Variants in IFT172 observed in about 807,000 individuals in gnomAD.
IFT172 encodes intraflagellar transport protein 172 homolog.
Under a neutral mutation model 248.9 loss-of-function variants are expected in IFT172, and 164 were observed. The ratio of observed to expected loss-of-function variants is 0.66; its 90% CI spans 0.58 to 0.75. The LOEUF is 0.75. Among genes scored for constraint, IFT172 ranks in the 30% least tolerant of loss-of-function variants. The pLI, the probability that IFT172 is intolerant of heterozygous loss-of-function variation, is 0.00. For missense variants in IFT172, 1,950 were observed against 2,192.4 expected (o/e 0.89, Z 2.21); for synonymous variants, 729 against 791.6 (o/e 0.92, Z 1.33).
chr2:27,455,918 AAAAAG>A (rs1369789559), intron 30 of IFT172: 1 of 316,734 alleles, frequency 3.2e-6, no homozygotes, highest in Non-Finnish European at 6.1e-6. Flanking sequence ...GCTTCCAAAA[AAAAAG>A]AAAAGTTCGG....
In IFT172 at chr2:27,480,069, A is replaced by T; in HGVS notation, c.866T>A (p.Ile289Asn). The T allele has an allele frequency of 6.2e-7, 1 of 1,614,012 alleles. No individual in the cohort carries two copies. Among genetic ancestry groups the T allele is most frequent in the South Asian group, 1.1e-5 (1 of 91,080 alleles). ...ATCCCGCTTCCAGGCCAAGGCAGTG[A>T]TGGTGTATAAATTGGTAATCTCCTT... ...KPKEITNLYT[I>N]TALAWKRDGS... is the part of the protein sequence containing the mutation. Residue 289 changes from isoleucine (I) to asparagine (N), a missense_variant, in exon 9 of 48, where the codon ATC (isoleucine) becomes AAC (asparagine). Physicochemically the swap from Ile to Asn is moderately radical, Grantham distance 149. This residue lies in a region of IFT172 where 1,166 missense variants were observed against 1,254.1 expected (regional missense o/e 0.93). Transcript: ENST00000260570.
chr2:27,488,042 G>T (rs964289195), intron 1 of IFT172, among the ~76,000 whole-genome samples: 1 of 152,148 alleles, frequency 6.6e-6, no homozygotes, highest in African/African-American at 2.4e-5. Flanking sequence ...GAGTGCAGTG[G>T]TGTGATCACG....
chr2:27,456,197 G>C (rs1286722537), intron 30 of IFT172, among the ~76,000 whole-genome samples: 1 of 151,814 alleles, frequency 6.6e-6, no homozygotes, highest in Non-Finnish European at 1.5e-5. Context: ...GCGACGGAGT[G>C]AGACTCTGTC....
At chr2:27,489,543 T>C in intron 1 of IFT172, 72 bp downstream of exon 1, 2 of 1,179,030 alleles carry the variant, frequency 1.7e-6, no homozygotes, top group South Asian at 2.5e-5. Context: ...GTCAACATCA[T>C]TAAACTTCAG....
intron 7 of IFT172, among the ~76,000 whole-genome samples, chr2:27,481,812 C>A (rs1668395582): frequency 6.6e-6 from 1 of 150,886 alleles, no homozygotes; most frequent in Non-Finnish European, 1.5e-5. Context: ...GTGCTGGGAT[C>A]ACAGGCGTGA....
Position 27,459,425 on chromosome 2 carries a change from A to G in IFT172, c.2740T>C (p.Tyr914His). ...DLQDRNTASK[Y>H]YPLVAQHYAS... ...TAGTGTTGGGCCACGAGAGGATAGTATTTGGATGCAGTGTTCCGGTCCTGT... is the reference window on the plus strand; with the variant it reads ...TAGTGTTGGGCCACGAGAGGATAGTGTTTGGATGCAGTGTTCCGGTCCTGT... The change falls in exon 25 of 48, where the codon TAC becomes CAC. Residue 914 changes from tyrosine (Y) to histidine (H), a missense_variant. Physicochemically the swap from Tyr to His is moderately conservative, Grantham distance 83 (BLOSUM62 2). This residue lies in a region of IFT172 where 1,166 missense variants were observed against 1,254.1 expected (regional missense o/e 0.93). Coordinates refer to ENST00000260570, the MANE Select transcript of IFT172 (RefSeq NM_015662.3). 5 of 1,614,206 alleles carry G rather than the reference A, an allele frequency of 3.1e-6. No individual in the cohort carries two copies. The highest frequency in any genetic ancestry group is 4.2e-6 in the Non-Finnish European group (5 of 1,180,040).
At chr2:27,446,763 A>G (rs1665155070) in intron 42 of IFT172, among the ~76,000 whole-genome samples, 2 of 130,724 alleles carry the variant, frequency 1.5e-5, no homozygotes, top group African/African-American at 5.8e-5. Context: ...GCAGTGGCGC[A>G]ATCTCGGCTC....
At position 27,450,111 on chromosome 2, in the gene IFT172, AG is replaced by A. The variant is rs1558358744; in HGVS notation, c.3952-16del. The stretch of plus-strand genomic sequence containing the variant: ...AGTTCAGCTGCCTGAGTGGTTGAAC[AG>A]AAGATGGAAATGGGTAGGAGAGACA... On this transcript the variant is annotated splice_polypyrimidine_tract_variant and intron_variant, in intron 35 of 47. Coordinates refer to ENST00000260570, the MANE Select transcript of IFT172 (RefSeq NM_015662.3). 1 of 1,588,588 alleles carries A rather than the reference AG, an allele frequency of 6.3e-7. No individual in the cohort carries two copies. Among genetic ancestry groups the A allele is most frequent in the South Asian group, 1.1e-5 (1 of 90,514 alleles).
chr2:27,458,044 G>T, intron 27 of IFT172, 68 bp from the exon 28 acceptor site: 1 of 1,612,362 alleles, frequency 6.2e-7, no homozygotes, highest in Non-Finnish European at 8.5e-7. Flanking sequence ...CTGGGCAGAG[G>T]GTACACATCC....
In IFT172 at chr2:27,449,392, G is replaced by A; in HGVS notation, c.4225-12C>T. 1.2e-6 allele frequency: 2 copies of A among 1,614,154 alleles called. No individual in the cohort carries two copies. Among genetic ancestry groups the A allele is most frequent in the South Asian group, 2.2e-5 (2 of 91,074 alleles). ...TCCACACCCACCAGCTGGGTCAATG[G>A]AAGACAGAGTTACAAGAGAAAAGAG... On this transcript the variant is annotated splice_polypyrimidine_tract_variant and intron_variant, in intron 38 of 47. Transcript: ENST00000260570.
In IFT172 at chr2:27,478,174, G is replaced by GT. The variant is rs1455103617; in HGVS notation, c.1006-19dup. On this transcript the variant is annotated intron_variant, in intron 10 of 47. Coordinates refer to ENST00000260570, the MANE Select transcript of IFT172 (RefSeq NM_015662.3). ...ACAATCACCTTGGTAAAGGACAAGT[G>GT]TGAGCCCCTTAGGCTTCCCCAGCCC... 22 of 1,613,936 alleles carry GT rather than the reference G, an allele frequency of 1.4e-5. No individual in the cohort carries two copies. Among genetic ancestry groups the GT allele is most frequent in the Non-Finnish European group, 1.7e-5 (20 of 1,179,882 alleles).
Position 27,449,351 on chromosome 2 carries a change from C to T in IFT172, c.4254G>A (p.Leu1418=). 3 of 1,614,100 alleles carry T rather than the reference C, an allele frequency of 1.9e-6. No homozygotes were observed. Among genetic ancestry groups the T allele is most frequent in the Middle Eastern group, 3.3e-4 (2 of 6,062 alleles). Residue 1418 remains leucine, a synonymous_variant, in exon 39 of 48, where the codon TTG becomes TTA. Transcript: ENST00000260570. ...SLVGVDVIAA[L]DLYVEQGQWD... is the part of the protein sequence containing the mutation. ...ACTGGCCCTGCTCCACATACAGGTC[C>T]AAAGCAGCTATCACATCCACACCCA...
chr2:27,458,726 C>T (rs1666385347), intron 26 of IFT172, 53 bp downstream of exon 26: 3 of 1,593,896 alleles, frequency 1.9e-6, no homozygotes, highest in East Asian at 2.2e-5. Context: ...AGGAATGAGG[C>T]CACAATGCCA....
Position 27,445,764 on chromosome 2 carries a change from G to A in IFT172, c.4895C>T (p.Pro1632Leu), listed in dbSNP as rs765119001. 1.2e-6 allele frequency: 2 copies of A among 1,614,172 alleles called. No homozygotes were observed. The highest frequency in any genetic ancestry group is 2.2e-5 in the South Asian group (2 of 91,082). ...DTDIPFEVPLPAKQHVPEAER... is the reference protein window; with the variant it reads ...DTDIPFEVPLLAKQHVPEAER... ...CCTTACCGGTACATGCTGCTTAGCT[G>A]GGAGTGGCACCTCAAAGGGAATGTC... Residue 1632 changes from proline to leucine, a missense_variant, in exon 45 of 48, where the codon CCA becomes CTA. By Grantham distance (98) the Pro-to-Leu change is moderately conservative. Coordinates refer to ENST00000260570, the MANE Select transcript of IFT172 (RefSeq NM_015662.3). This position sits in a 1 kb window ranked among gnomAD's most constrained non-coding sequence, Gnocchi z 4.4.
chr2:27,455,702 C>G (rs1207471594), intron 30 of IFT172: 2 of 328,494 alleles, frequency 6.1e-6, no homozygotes, highest in East Asian at 9.6e-5. Context: ...CAGAGCGAGA[C>G]TCTGTCTCAG....
chr2:27,484,229 T>G lies in IFT172; in HGVS notation c.334A>C (p.Thr112Pro), dbSNP rs768864867. The stretch of plus-strand genomic sequence containing the variant: ...CCAGGGACTGGTCTGAACTTTACCG[T>G]CTGGATGAACTTGTTGCAGATGACT... ...KKVICNKFIQTSAVTCLQWPA... is the reference protein window; with the variant it reads ...KKVICNKFIQPSAVTCLQWPA... The change falls in exon 4 of 48, where the codon ACG becomes CCG. Residue 112 changes from threonine (T) to proline (P), a missense_variant and splice_region_variant. Thr to Pro is a conservative substitution (Grantham distance 38). Coordinates refer to ENST00000260570, the MANE Select transcript of IFT172 (RefSeq NM_015662.3). The G allele has an allele frequency of 1.2e-6, 2 of 1,614,056 alleles. No homozygotes were observed. Among genetic ancestry groups the G allele is most frequent in the East Asian group, 2.2e-5 (1 of 44,882 alleles).
chr2:27,453,686 G>C lies in IFT172; in HGVS notation c.3765C>G (p.Ser1255Arg), dbSNP rs1351640829. The change falls in exon 34 of 48, where the codon AGC becomes AGG. Residue 1255 changes from serine (S) to arginine (R), a missense_variant. Coordinates refer to ENST00000260570, the MANE Select transcript of IFT172 (RefSeq NM_015662.3). ...ALRICKDYVPSQLEALQEEYE... is the reference protein window; with the variant it reads ...ALRICKDYVPRQLEALQEEYE... ...ATTCTTCCTGCAGAGCCTCCAGCTGGCTGGGCACATAGTCCTTGCAGATGC... is the reference window on the plus strand; with the variant it reads ...ATTCTTCCTGCAGAGCCTCCAGCTGCCTGGGCACATAGTCCTTGCAGATGC... The C allele has an allele frequency of 6.2e-7, 1 of 1,612,132 alleles. No homozygotes were observed. The highest frequency in any genetic ancestry group is 8.5e-7 in the Non-Finnish European group (1 of 1,179,460).
rs1667636419 is a variant in IFT172 at position 27,472,349 on chromosome 2, A to T, written c.1425T>A (p.Gly475=). Residue 475 remains glycine (G), a synonymous_variant, in exon 15 of 48, where the codon GGT becomes GGA. Transcript: ENST00000260570. ...GGCTGACGGTGCCAATGTTGTAGCC[A>T]CCAATCAGATCCACTATAGAATAAA... is the stretch of plus-strand genomic sequence containing the variant. ...IKTIAIVDLI[G]GYNIGTVSHE... The T allele has an allele frequency of 6.2e-7, 1 of 1,613,918 alleles. No homozygotes were observed. The highest frequency in any genetic ancestry group is 1.3e-5 in the African/African-American group (1 of 75,056).
chr2:27,467,930 G>A (rs1338638786), intron 16 of IFT172, among the ~76,000 whole-genome samples: 1 of 152,016 alleles, frequency 6.6e-6, no homozygotes, highest in Non-Finnish European at 1.5e-5. Flanking sequence ...GGAGGCTGAG[G>A]CTGGCGGATC....
Sources: allele counts gnomAD v4.1 joint callset (sites outside exome capture counted in the v4.1 genomes callset), GRCh38; gene constraint gnomAD v4.1.1; regional missense constraint gnomAD v4.1.1; non-coding constraint Gnocchi (gnomAD v3.1); transcripts MANE v1.5; gene names NCBI Gene and HGNC (gene_info 2026-07-23, HGNC 2026-07-21).